ITGB4: variants seen among roughly 807,000 people sequenced by gnomAD.
The protein encoded by ITGB4 is integrin beta-4.
A neutral mutation model predicts 207.6 loss-of-function variants in ITGB4; 159 were observed. The observed-to-expected ratio is 0.77, with a 90% confidence interval of 0.67 to 0.87. ITGB4 has a LOEUF of 0.87. Ranked by LOEUF, ITGB4 falls within the 40% of genes least tolerant of loss-of-function variation. ITGB4 has a pLI of 0.00. For synonymous variants in ITGB4, 1,020 were observed against 1,062.7 expected (o/e 0.96, Z 0.78); for missense variants, 2,278 against 2,546.8 (o/e 0.89, Z 2.27).
At position 75,742,245 on chromosome 17, in the gene ITGB4, T is replaced by C. The variant is rs1481606312; in HGVS notation, c.2634-96T>C. 7 of 1,500,184 alleles carry C rather than the reference T, an allele frequency of 4.7e-6. No individual in the cohort carries two copies. In the East Asian group the frequency reaches 1.6e-4, roughly 35 times the overall value. The allele number at this position is 1,500,184 out of a possible 1,614,324, so 92.9% of individuals were successfully genotyped here. A position where few individuals can be genotyped will look rare whatever the true frequency, so the allele number is the denominator to read the frequency against. ...ACCCTGCACTTCTTGCTGTCTTACA[T>C]CCTGGCCCCTGAAGGGGAGAAGACA... is the stretch of plus-strand genomic sequence containing the variant. On this transcript the variant is annotated intron_variant, in intron 23 of 39. Transcript: ENST00000200181. The surrounding 1 kb of genome is among the most constrained non-coding windows in gnomAD (Gnocchi z 5.9).
At chr17:75,723,056 T>G (rs573445773) in intron 1 of ITGB4, among the ~76,000 whole-genome samples, 2 of 152,274 alleles carry the variant, frequency 1.3e-5, no homozygotes, top group African/African-American at 4.8e-5. Context: ...AGCCAAACAC[T>G]CTTGGGTGCC....
chr17:75,725,114 A>T (rs974828699), intron 2 of ITGB4, among the ~76,000 whole-genome samples: 1 of 152,206 alleles, frequency 6.6e-6, no homozygotes, highest in Non-Finnish European at 1.5e-5. Flanking sequence ...GAAGAGAGGC[A>T]CTGCTGACGT....
rs1568383291 is a variant in ITGB4 at position 75,754,609 on chromosome 17, T to C, written c.4352T>C (p.Phe1451Ser). 6.2e-7 allele frequency: 1 copy of C among 1,613,856 alleles called. No homozygotes were observed. The highest frequency in any genetic ancestry group is 1.1e-5 in the South Asian group (1 of 91,078). ...GTGAATGGCCGGATGGACTTTGCCT[T>C]CCCGGGCAGCACCAACTCCCTGCAC... ...HLVNGRMDFAFPGSTNSLHRM... is the reference protein window; with the variant it reads ...HLVNGRMDFASPGSTNSLHRM... The change falls in exon 34 of 40, where the codon TTC becomes TCC. Residue 1451 changes from phenylalanine (F) to serine (S), a missense_variant. Coordinates refer to ENST00000200181, the MANE Select transcript of ITGB4 (RefSeq NM_000213.5).
Position 75,740,962 on chromosome 17 carries a change from C to A in ITGB4, c.2610-20C>A, listed in dbSNP as rs745935661. On this transcript the variant is annotated intron_variant, in intron 22 of 39. Transcript: ENST00000200181. This position sits in a 1 kb window ranked among gnomAD's most constrained non-coding sequence, Gnocchi z 5.9. ...CACTTCAGGGCTATCTAGCTCACAG[C>A]GCCCTCTTTGTCCCCACAGGCAGCA... The A allele has an allele frequency of 3.1e-6, 5 of 1,613,890 alleles. No homozygotes were observed. Among genetic ancestry groups the A allele is most frequent in the South Asian group, 1.1e-5 (1 of 91,076 alleles).
In ITGB4 at chr17:75,740,898, G is replaced by T. The variant is rs1389645144; in HGVS notation, c.2609+47G>T. On this transcript the variant is annotated intron_variant, in intron 22 of 39. Transcript: ENST00000200181. This position sits in a 1 kb window ranked among gnomAD's most constrained non-coding sequence, Gnocchi z 5.9. ...TTGGGTGGGGGAGCCGCTCCTACCG[G>T]GACTCCAGGAGCCGAAGCCCCCAGG... The T allele has an allele frequency of 1.9e-6, 3 of 1,612,666 alleles. No individual in the cohort carries two copies. In the African/African-American group the frequency reaches 4.0e-5, roughly 22 times the overall value.
chr17:75,754,061 C>G lies in ITGB4; in HGVS notation c.4318+87C>G, dbSNP rs563535727. ...CCTGGGGTGGGCGTCTGCGCTGCCT[C>G]GGGGGCCCCAGTTTCAGCCAGGCCC... On this transcript the variant is annotated intron_variant, in intron 33 of 39. Coordinates refer to ENST00000200181, the MANE Select transcript of ITGB4 (RefSeq NM_000213.5). 24 of 609,862 alleles carry G rather than the reference C, an allele frequency of 3.9e-5. No individual in the cohort carries two copies. The African/African-American group carries it at 4.6e-4, about 12-fold the overall frequency. 37.8% of individuals were successfully genotyped at this position (609,862 alleles called of 1,614,324 possible). A position where few individuals can be genotyped will look rare whatever the true frequency, so the allele number is the denominator to read the frequency against.
At chr17:75,738,161 G>A (rs2061024171) in intron 18 of ITGB4, among the ~76,000 whole-genome samples, 2 of 152,054 alleles carry the variant, frequency 1.3e-5, no homozygotes, top group South Asian at 4.1e-4. Flanking sequence ...GTGAAGTTCA[G>A]AAGGGACTGA....
chr17:75,743,960 C>A, intron 26 of ITGB4, 99 bp downstream of exon 26: 1 of 1,327,020 alleles, frequency 7.5e-7, no homozygotes, highest in Non-Finnish European at 1.0e-6. Context: ...CTGCTTGAGT[C>A]CCTGGATACT....
rs1199938371 is a variant in ITGB4, at chr17:75,731,386, C to T, written c.1215+18C>T. On this transcript the variant is annotated intron_variant, in intron 10 of 39. Coordinates refer to ENST00000200181, the MANE Select transcript of ITGB4 (RefSeq NM_000213.5). The surrounding 1 kb of genome is among the most constrained non-coding windows in gnomAD (Gnocchi z 6.8). ...GGGAAGTGGTACGCCTCTGTGGGGG[C>T]AGCGGGGTGGGGGATAGGCACAGCG... The T allele has an allele frequency of 1.3e-6, 2 of 1,599,662 alleles. No individual in the cohort carries two copies. The highest frequency in any genetic ancestry group is 1.3e-5 in the African/African-American group (1 of 74,550).
chr17:75,733,015 G>C (rs1025514730), intron 12 of ITGB4, among the ~76,000 whole-genome samples: 5 of 152,108 alleles, frequency 3.3e-5, no homozygotes, highest in African/African-American at 9.7e-5. Context: ...CACCTAGAAG[G>C]CGGAGGTTGC....
At chr17:75,756,335 A>G in intron 35 of ITGB4, 94 bp from the exon 36 acceptor site, 2 of 1,400,568 alleles carry the variant, frequency 1.4e-6, no homozygotes, top group Non-Finnish European at 2.0e-6. Flanking sequence ...GGTGGGTGAT[A>G]ACTAGGTCTC....
Position 75,750,378 on chromosome 17 carries a change from T to A in ITGB4, c.3474+110T>A. 8.7e-7 allele frequency: 1 copy of A among 1,152,916 alleles called. No individual in the cohort carries two copies. Among genetic ancestry groups the A allele is most frequent in the Non-Finnish European group, 1.2e-6 (1 of 816,104 alleles). 71.4% of individuals were successfully genotyped at this position (1,152,916 alleles called of 1,614,324 possible). ...GGGCCCCCTGAGAGAGAGCAGACAG[T>A]GGAACCTAGCACAGGTGGTCAGAGG... On this transcript the variant is annotated intron_variant, in intron 28 of 39. Transcript: ENST00000200181. This position sits in a 1 kb window ranked among gnomAD's most constrained non-coding sequence, Gnocchi z 5.5.
Position 75,727,647 on chromosome 17 carries a change from G to T in ITGB4, c.265-4G>T, listed in dbSNP as rs1268058186. The T allele has an allele frequency of 1.9e-6, 3 of 1,601,784 alleles. No individual in the cohort carries two copies. Among genetic ancestry groups the T allele is most frequent in the Non-Finnish European group, 1.7e-6 (2 of 1,174,720 alleles). On this transcript the variant is annotated splice_polypyrimidine_tract_variant and splice_region_variant and intron_variant, in intron 4 of 39. Coordinates refer to ENST00000200181, the MANE Select transcript of ITGB4 (RefSeq NM_000213.5). This position sits in a 1 kb window ranked among gnomAD's most constrained non-coding sequence, Gnocchi z 6.0. Reference sequence around the variant, plus strand: ...AGCCAGCTGTCCCCTTCCACTGGCTGCAGGAGACCCAGATTGACACCACCC... The same window carrying T: ...AGCCAGCTGTCCCCTTCCACTGGCTTCAGGAGACCCAGATTGACACCACCC...
Position 75,756,753 on chromosome 17 carries a change from C to T in ITGB4, c.4947C>T (p.Phe1649=). 1 of 1,613,060 alleles carries T rather than the reference C, an allele frequency of 6.2e-7. No homozygotes were observed. Among genetic ancestry groups the T allele is most frequent in the Non-Finnish European group, 8.5e-7 (1 of 1,180,032 alleles). ...STPSAPGPLV[F]TALSPDSLQL... ...CCAGTGCCCCAGGCCCGCTGGTGTT[C>T]ACTGCCCTGAGCCCAGACTCGCTGC... is the stretch of plus-strand genomic sequence containing the variant. The change falls in exon 37 of 40, where the codon TTC becomes TTT. Residue 1649 remains phenylalanine (F), a synonymous_variant. Coordinates refer to ENST00000200181, the MANE Select transcript of ITGB4 (RefSeq NM_000213.5).
chr17:75,730,176 C>T (rs1221253227), intron 7 of ITGB4, 65 bp from the exon 8 acceptor site: 10 of 1,604,238 alleles, frequency 6.2e-6, no homozygotes, highest in East Asian at 2.2e-5. Context: ...CCGTCCTACA[C>T]GACGCCGTGA....
intron 34 of ITGB4, 197 bp downstream of exon 34, chr17:75,755,012 G>C: frequency 6.3e-7 from 1 of 1,579,682 alleles, no homozygotes; most frequent in Non-Finnish European, 8.6e-7. Context: ...ACACATGCAT[G>C]CACACTCCCT....
At chr17:75,738,987 G>A (rs1289838712) in intron 18 of ITGB4, among the ~76,000 whole-genome samples, 1 of 149,610 alleles carries the variant, frequency 6.7e-6, no homozygotes, top group Non-Finnish European at 1.5e-5. Context: ...AAAAAAAAAA[G>A]AAGGTTTAAG....
rs547376688 is a variant in ITGB4 at position 75,740,647 on chromosome 17, G to C, written c.2551-146G>C. 1.3e-5 allele frequency: 13 copies of C among 1,036,962 alleles called. No homozygotes were observed. In the African/African-American group the frequency reaches 1.9e-4, roughly 15 times the overall value. The allele number at this position is 1,036,962 out of a possible 1,614,324, so 64.2% of individuals were successfully genotyped here. A position where few individuals can be genotyped will look rare whatever the true frequency, so the allele number is the denominator to read the frequency against. On this transcript the variant is annotated intron_variant, in intron 21 of 39. Transcript: ENST00000200181. The surrounding 1 kb of genome is among the most constrained non-coding windows in gnomAD (Gnocchi z 5.9). ...CAGAGGGCAGAAGGCCAGAGCCTGG[G>C]CCCAGGATGCTGCCCCACGGGGCAT... is the stretch of plus-strand genomic sequence containing the variant.
chr17:75,735,379 G>A (rs1221922746), intron 13 of ITGB4, among the ~76,000 whole-genome samples: 2 of 147,826 alleles, frequency 1.4e-5, no homozygotes, highest in Admixed American at 6.8e-5. Context: ...GAGCCACCAC[G>A]CCCGGCTGAC....
Sources: allele counts gnomAD v4.1 joint callset (sites outside exome capture counted in the v4.1 genomes callset), GRCh38; gene constraint gnomAD v4.1.1; non-coding constraint Gnocchi (gnomAD v3.1); transcripts MANE v1.5; gene names NCBI Gene and HGNC (gene_info 2026-07-23, HGNC 2026-07-21).